The following UBE2E2 variants were observed in gnomAD, a reference collection of about 807,000 sequenced individuals.
UBE2E2 encodes ubiquitin-conjugating enzyme E2 E2.
A neutral mutation model predicts 24.7 loss-of-function variants in UBE2E2; 6 were observed. That is an observed-to-expected ratio of 0.24 (90% CI 0.13 to 0.48). The LOEUF (loss-of-function observed/expected upper bound fraction) is 0.48. Among genes scored for constraint, UBE2E2 ranks in the 20% least tolerant of loss-of-function variants. UBE2E2 has a pLI of 0.99. For missense variants in UBE2E2, 169 were observed against 245.0 expected, an observed-to-expected ratio of 0.69 and a Z score of 2.07; for synonymous variants, 104 against 83.6, an observed-to-expected ratio of 1.24 and a Z score of -1.33.
At chr3:23,334,291 G>C (rs868108244) in intron 3 of UBE2E2, among the ~76,000 whole-genome samples, 1 of 150,934 alleles carries the variant, frequency 6.6e-6, no homozygotes, top group Non-Finnish European at 1.5e-5. Context: ...GTACTTTGGG[G>C]ATGATTTATT....
At chr3:23,330,598 G>C (rs1013526542) in intron 3 of UBE2E2, among the ~76,000 whole-genome samples, 2 of 152,222 alleles carry the variant, frequency 1.3e-5, no homozygotes, top group Non-Finnish European at 2.9e-5. Context: ...ATAAGGCAGA[G>C]TGCTTTCCCT....
At chr3:23,385,596 G>T (rs1179416228) in intron 3 of UBE2E2, among the ~76,000 whole-genome samples, 1 of 152,222 alleles carries the variant, frequency 6.6e-6, no homozygotes, top group African/African-American at 2.4e-5. Flanking sequence ...ACTGCTTAAA[G>T]AAATCAGATA....
intron 5 of UBE2E2, among the ~76,000 whole-genome samples, chr3:23,542,111 C>G (rs926185204): frequency 2.0e-5 from 3 of 152,126 alleles, no homozygotes; most frequent in African/African-American, 7.2e-5. Context: ...ATGAATAACC[C>G]CGCATCACTG....
intron 3 of UBE2E2, among the ~76,000 whole-genome samples, chr3:23,355,836 C>G (rs112271923): frequency 9.4e-4 from 143 of 152,290 alleles, no homozygotes; most frequent in African/African-American, 3.2e-3. Flanking sequence ...ATTTACTGAG[C>G]ATATAAAGCA....
intron 3 of UBE2E2, among the ~76,000 whole-genome samples, chr3:23,358,978 G>A (rs1365711629): frequency 6.6e-6 from 1 of 152,176 alleles, no homozygotes; most frequent in East Asian, 1.9e-4. Flanking sequence ...GAATCCACAT[G>A]TATGTTCTTT....
intron 5 of UBE2E2, among the ~76,000 whole-genome samples, chr3:23,553,254 A>G (rs1461952729): frequency 6.6e-6 from 1 of 152,164 alleles, no homozygotes; most frequent in Non-Finnish European, 1.5e-5. Context: ...TCACACTTTA[A>G]TAAAACAAAA....
chr3:23,434,463 G>C (rs561305499), intron 3 of UBE2E2, among the ~76,000 whole-genome samples: 2 of 152,066 alleles, frequency 1.3e-5, no homozygotes, highest in African/African-American at 4.8e-5. Context: ...AAAATTCTTG[G>C]TACGAAACAG....
At chr3:23,380,366 C>T (rs377409690) in intron 3 of UBE2E2, among the ~76,000 whole-genome samples, 1 of 152,222 alleles carries the variant, frequency 6.6e-6, no homozygotes, top group Non-Finnish European at 1.5e-5. Flanking sequence ...GCCGTGACTA[C>T]AGGCGTGTGC....
intron 3 of UBE2E2, among the ~76,000 whole-genome samples, chr3:23,352,632 A>G (rs1405423623): frequency 8.5e-5 from 13 of 152,246 alleles, no homozygotes; most frequent in Non-Finnish European, 2.9e-5. Flanking sequence ...TAGAAAATCT[A>G]GAAGAAATGG....
At position 23,453,620 on chromosome 3, in the gene UBE2E2, T is replaced by G. The variant is rs571629252; in HGVS notation, c.228-45988T>G. On this transcript the variant is annotated intron_variant, in intron 3 of 5. Transcript: ENST00000396703. Reference sequence around the variant, plus strand: ...TTTAAAATCCCTTTTTATATATTTCTGAATCTGGAAAGGGAATCATTGATG... The same window carrying G: ...TTTAAAATCCCTTTTTATATATTTCGGAATCTGGAAAGGGAATCATTGATG... Among the ~76,000 whole-genome samples, 3 of 152,330 alleles carry G rather than the reference T, an allele frequency of 2.0e-5. No homozygotes were observed. The East Asian group carries it at 5.8e-4, about 29-fold the overall frequency.
intron 2 of UBE2E2, among the ~76,000 whole-genome samples, chr3:23,212,700 A>G (rs1202454791): frequency 6.6e-6 from 1 of 152,058 alleles, no homozygotes; most frequent in Non-Finnish European, 1.5e-5. Flanking sequence ...TTTGTTTTCC[A>G]CATGAGAATG....
At chr3:23,473,342 G>A (rs1210009533) in intron 3 of UBE2E2, among the ~76,000 whole-genome samples, 2 of 151,994 alleles carry the variant, frequency 1.3e-5, no homozygotes, top group East Asian at 1.9e-4. Flanking sequence ...AGTTTACATG[G>A]TCTTTACTGA....
At chr3:23,367,136 T>G (rs1398808172) in intron 3 of UBE2E2, among the ~76,000 whole-genome samples, 2 of 152,234 alleles carry the variant, frequency 1.3e-5, no homozygotes, top group African/African-American at 4.8e-5. Context: ...ATGGATTTCA[T>G]GAAATCTTTT....
intron 3 of UBE2E2, among the ~76,000 whole-genome samples, chr3:23,443,423 C>G (rs182926816): frequency 1.3e-5 from 2 of 152,280 alleles, no homozygotes; most frequent in African/African-American, 4.8e-5. Context: ...CCTGCCACCA[C>G]TCAGTCCTGT....
At chr3:23,265,975 G>A (rs188273477) in intron 3 of UBE2E2, among the ~76,000 whole-genome samples, 3 of 151,944 alleles carry the variant, frequency 2.0e-5, no homozygotes, top group East Asian at 1.9e-4. Context: ...CAACCCCTGC[G>A]TTTTTTTGTT....
intron 3 of UBE2E2, among the ~76,000 whole-genome samples, chr3:23,442,482 A>G (rs180674241): frequency 2.0e-5 from 3 of 152,276 alleles, no homozygotes; most frequent in Admixed American, 2.0e-4. Context: ...CATATAAAGC[A>G]TTTTTATGAA....
intron 5 of UBE2E2, among the ~76,000 whole-genome samples, chr3:23,535,806 A>G (rs1695249645): frequency 1.3e-5 from 2 of 151,872 alleles, no homozygotes; most frequent in Admixed American, 1.3e-4. Context: ...TATTTTTAGT[A>G]GAGACAAGGC....
At chr3:23,495,400 T>C (rs34474714) in intron 3 of UBE2E2, among the ~76,000 whole-genome samples, 12,200 of 152,224 alleles carry the variant, frequency 0.08, 589 homozygotes, top group Non-Finnish European at 0.088. Context: ...ATTTAGCCTA[T>C]ATCTTGTAAT....
intron 3 of UBE2E2, among the ~76,000 whole-genome samples, chr3:23,252,204 G>A (rs543981393): frequency 2.6e-5 from 4 of 152,284 alleles, no homozygotes; most frequent in Admixed American, 1.3e-4. Flanking sequence ...TTGAAGACTT[G>A]ATGACTGACT....
Sources: allele counts gnomAD v4.1 joint callset (sites outside exome capture counted in the v4.1 genomes callset), GRCh38; gene constraint gnomAD v4.1.1; transcripts MANE v1.5; gene names NCBI Gene and HGNC (gene_info 2026-07-23, HGNC 2026-07-21).